LOC400499: variants seen among roughly 807,000 people sequenced by gnomAD.
chr16:11,383,089 G>C, the LOC400499 span, among the ~76,000 whole-genome samples: 1 of 120,742 alleles, frequency 8.3e-6, no homozygotes, highest in Non-Finnish European at 1.9e-5. Flanking sequence ...TTTTTGAGAC[G>C]GAGTCTCACT....
the LOC400499 span, chr16:11,398,225 C>A: frequency 1.2e-6 from 1 of 829,852 alleles, no homozygotes; most frequent in Non-Finnish European, 1.6e-6. Flanking sequence ...ATGGCAGAGC[C>A]ACGATGGTGG....
At chr16:11,451,711 A>G in the LOC400499 span, among the ~76,000 whole-genome samples, 2 of 152,336 alleles carry the variant, frequency 1.3e-5, no homozygotes, top group South Asian at 4.1e-4. Flanking sequence ...CTGATACCTA[A>G]ATGACAGACA....
the LOC400499 span, chr16:11,396,452 A>T: frequency 8.1e-7 from 1 of 1,228,170 alleles, no homozygotes; most frequent in Non-Finnish European, 1.0e-6. Context: ...CCAGGGAGGA[A>T]CCGCAGGGAT....
the LOC400499 span, chr16:11,501,007 T>A: frequency 5.0e-6 from 2 of 398,896 alleles, no homozygotes; most frequent in East Asian, 7.1e-5. Flanking sequence ...GCTGAGCGCC[T>A]GCAAAGCTCA....
chr16:11,519,877 G>GTA, the LOC400499 span, among the ~76,000 whole-genome samples: 287 of 151,934 alleles, frequency 1.9e-3, 3 homozygotes, highest in African/African-American at 6.6e-3. Context: ...ACCTAATTTT[G>GTA]TATTTAGTAG....
At chr16:11,384,788 CTGCA>C in the LOC400499 span, 3 of 1,067,598 alleles carry the variant, frequency 2.8e-6, no homozygotes, top group South Asian at 9.6e-5. Flanking sequence ...GGCAGAGGCT[CTGCA>C]TGCACGGTAG....
At chr16:11,491,101 G>C in the LOC400499 span, among the ~76,000 whole-genome samples, 1 of 152,050 alleles carries the variant, frequency 6.6e-6, no homozygotes, top group Non-Finnish European at 1.5e-5. Flanking sequence ...CTATTTTACA[G>C]GTACAGAAAT....
the LOC400499 span, chr16:11,417,843 G>A: frequency 1.3e-5 from 5 of 398,824 alleles, no homozygotes; most frequent in East Asian, 1.8e-4. Flanking sequence ...CAGAGACCTG[G>A]AATGACACCA....
At chr16:11,472,283 C>T in the LOC400499 span, 1 of 152,168 alleles carries the variant, frequency 6.6e-6, no homozygotes, top group Non-Finnish European at 1.5e-5. Context: ...ACCTCTGCCT[C>T]CCAGGTTCAA....
the LOC400499 span, among the ~76,000 whole-genome samples, chr16:11,445,719 G>C: frequency 6.6e-6 from 1 of 152,330 alleles, no homozygotes; most frequent in African/African-American, 2.4e-5. Flanking sequence ...GGCTGTCAGA[G>C]TTTGAGAGCA....
At chr16:11,462,380 G>A in the LOC400499 span, 1 of 1,396,512 alleles carries the variant, frequency 7.2e-7, no homozygotes, top group East Asian at 2.7e-5. Flanking sequence ...ACTGGGACCA[G>A]ACAGGGCAGG....
At chr16:11,378,750 T>G in the LOC400499 span, among the ~76,000 whole-genome samples, 1 of 152,248 alleles carries the variant, frequency 6.6e-6, no homozygotes, top group Non-Finnish European at 1.5e-5. Context: ...ATTTCAGTTT[T>G]CCTTCTAGTA....
At chr16:11,439,645 G>A in the LOC400499 span, 1 of 398,876 alleles carries the variant, frequency 2.5e-6, no homozygotes, top group Admixed American at 4.4e-5. Flanking sequence ...AACACTAGGA[G>A]GTGGCTACTG....
the LOC400499 span, among the ~76,000 whole-genome samples, chr16:11,503,696 C>A: frequency 3.3e-5 from 5 of 152,246 alleles, no homozygotes; most frequent in Admixed American, 3.3e-4. Flanking sequence ...GCCCACCTGC[C>A]AACGTGTCTG....
the LOC400499 span, chr16:11,384,346 G>A: frequency 3.3e-6 from 4 of 1,212,672 alleles, no homozygotes; most frequent in South Asian, 4.2e-5. Context: ...GAGGGAAGCG[G>A]AGGCCGGCCG....
At chr16:11,423,173 C>G in the LOC400499 span, 21 of 399,286 alleles carry the variant, frequency 5.3e-5, no homozygotes, top group African/African-American at 4.3e-4. Context: ...GACAGAGACC[C>G]CATACCTCGA....
the LOC400499 span, among the ~76,000 whole-genome samples, chr16:11,513,738 T>C: frequency 1.3e-5 from 2 of 152,196 alleles, no homozygotes; most frequent in African/African-American, 2.4e-5. Flanking sequence ...GCCAAAATTT[T>C]TATTTAAATT....
chr16:11,458,066 T>A, the LOC400499 span, among the ~76,000 whole-genome samples: 28 of 151,932 alleles, frequency 1.8e-4, no homozygotes, highest in African/African-American at 6.3e-4. Context: ...TAGCCAGGGC[T>A]GGGCGTGGTG....
chr16:11,443,019 T>C, the LOC400499 span, among the ~76,000 whole-genome samples: 18 of 152,236 alleles, frequency 1.2e-4, no homozygotes, highest in African/African-American at 4.1e-4. Flanking sequence ...CCAGGGGCTG[T>C]TGTGTATCTT....
Sources: gnomAD v4.1 joint callset for allele counts (sites outside exome capture counted in the v4.1 genomes callset) on GRCh38, gnomAD v4.1.1 for gene constraint, MANE v1.5 for transcripts.